The following SLC10A6 variants were observed in gnomAD, a reference collection of about 807,000 sequenced individuals.
SLC10A6 encodes solute carrier family 10 member 6.
A neutral mutation model predicts 30.0 loss-of-function variants in SLC10A6; 27 were observed. The observed-to-expected ratio is 0.90, with a 90% confidence interval of 0.66 to 1.24. The LOEUF (loss-of-function observed/expected upper bound fraction) is 1.24, where lower values mean the gene tolerates loss of function less well. Ranked by LOEUF, SLC10A6 falls within the 50% of genes most tolerant of loss-of-function variation. The pLI is 0.00. For synonymous variants in SLC10A6, 166 were observed against 173.8 expected (o/e 0.95, Z 0.36); for missense variants, 439 against 457.0 (o/e 0.96, Z 0.36).
intron 2 of SLC10A6, among the ~76,000 whole-genome samples, chr4:86,833,090 C>T (rs555863647): frequency 6.6e-5 from 10 of 152,162 alleles, no homozygotes; most frequent in Non-Finnish European, 1.3e-4. Context: ...TCCGTACTTA[C>T]CAGCTGCATA....
chr4:86,836,533 A>T (rs1049127145), intron 1 of SLC10A6, among the ~76,000 whole-genome samples: 1 of 152,152 alleles, frequency 6.6e-6, no homozygotes, highest in Non-Finnish European at 1.5e-5. Flanking sequence ...CCACGTGAGG[A>T]GCAAGAAGGA....
chr4:86,824,573 T>C (rs775099778), intron 5 of SLC10A6, among the ~76,000 whole-genome samples: 11 of 134,022 alleles, frequency 8.2e-5, no homozygotes, highest in Non-Finnish European at 1.7e-4. Flanking sequence ...TGTGAACATA[T>C]ATATTTTTTT....
intron 1 of SLC10A6, among the ~76,000 whole-genome samples, chr4:86,836,874 C>T (rs950912389): frequency 2.6e-5 from 4 of 152,116 alleles, no homozygotes; most frequent in African/African-American, 9.6e-5. Context: ...TCTCCTGCCT[C>T]AGCCTCCTGA....
chr4:86,825,996 G>A (rs1745987882), intron 4 of SLC10A6, among the ~76,000 whole-genome samples: 1 of 152,180 alleles, frequency 6.6e-6, no homozygotes, highest in African/African-American at 2.4e-5. Context: ...TCCAGGGAGA[G>A]GTGTGAGTGT....
chr4:86,849,039 A>G lies in SLC10A6; in HGVS notation c.77T>C (p.Val26Ala), dbSNP rs758343103. 5 of 1,614,030 alleles carry G rather than the reference A, an allele frequency of 3.1e-6. No individual in the cohort carries two copies. The highest frequency in any genetic ancestry group is 1.6e-4 in the Middle Eastern group (1 of 6,062). Residue 26 changes from valine to alanine, a missense_variant, in exon 1 of 6, where the codon GTG (valine) becomes GCG (alanine). Coordinates refer to ENST00000273905, the MANE Select transcript of SLC10A6 (RefSeq NM_197965.3). The stretch of plus-strand genomic sequence containing the variant: ...GAAAACGAGCTCCAGGTTTCCATGC[A>G]CCTCCAGTCCCACTGGCAGCTCCTC... ...SEEELPVGLEVHGNLELVFTV... is the reference protein window; with the variant it reads ...SEEELPVGLEAHGNLELVFTV...
chr4:86,845,960 A>G (rs1035373225), intron 1 of SLC10A6, among the ~76,000 whole-genome samples: 3 of 152,350 alleles, frequency 2.0e-5, no homozygotes, highest in Admixed American at 6.5e-5. Flanking sequence ...TGCATGAAGC[A>G]GGAGTGAAGG....
chr4:86,823,512 G>T lies in SLC10A6; in HGVS notation c.*176C>A. On this transcript the variant is annotated 3_prime_UTR_variant, in exon 6 of 6. Transcript: ENST00000273905. Reference sequence around the variant, plus strand: ...CCCCCAGAAGAAACTCCCTGAAATGGGAATCTCCAAAAGTGATCCCATCAC... The same window carrying T: ...CCCCCAGAAGAAACTCCCTGAAATGTGAATCTCCAAAAGTGATCCCATCAC... The T allele has an allele frequency of 1.9e-6, 1 of 530,012 alleles. No homozygotes were observed. Among genetic ancestry groups the T allele is most frequent in the East Asian group, 3.1e-5 (1 of 32,162 alleles). 32.8% of individuals were successfully genotyped at this position (530,012 alleles called of 1,614,324 possible).
At position 86,837,285 on chromosome 4, in the gene SLC10A6, A is replaced by AAGAG. The variant is rs1173471408; in HGVS notation, c.378-3862_378-3861insCTCT. ...AAAGAAAGAAAGAAAGAAAGAAAGAAAAAGAAAGGAAGGAAGGAAGGAAGG... is the reference window on the plus strand; with the variant it reads ...AAAGAAAGAAAGAAAGAAAGAAAGAAAGAGAAAGAAAGGAAGGAAGGAAGGAAGG... On this transcript the variant is annotated intron_variant, in intron 1 of 5. Coordinates refer to ENST00000273905, the MANE Select transcript of SLC10A6 (RefSeq NM_197965.3). Among the ~76,000 whole-genome samples the AAGAG allele has an allele frequency of 2.4e-4, 18 of 74,278 alleles. No homozygotes were observed. In the South Asian group the frequency reaches 5.8e-3, roughly 24 times the overall value. 48.7% of individuals were successfully genotyped at this position (74,278 alleles called of 152,430 possible).
chr4:86,826,626 T>C (rs541343207), intron 4 of SLC10A6, among the ~76,000 whole-genome samples: 17 of 152,308 alleles, frequency 1.1e-4, no homozygotes, highest in African/African-American at 4.1e-4. Context: ...CTAAAATGAT[T>C]ATCTTTGGTG....
At chr4:86,847,459 TTTTACCA>T (rs1344637209) in intron 1 of SLC10A6, among the ~76,000 whole-genome samples, 2 of 152,232 alleles carry the variant, frequency 1.3e-5, no homozygotes, top group Non-Finnish European at 1.5e-5. Context: ...TATTAATGGC[TTTTACCA>T]TTAAGGTAAA....
At chr4:86,824,169 T>C (rs1745935778) in intron 5 of SLC10A6, among the ~76,000 whole-genome samples, 1 of 152,200 alleles carries the variant, frequency 6.6e-6, no homozygotes, top group African/African-American at 2.4e-5. Context: ...ATTCATTCAT[T>C]CATTCATTCA....
chr4:86,829,090 C>T (rs961319349), intron 3 of SLC10A6, among the ~76,000 whole-genome samples: 1 of 152,088 alleles, frequency 6.6e-6, no homozygotes, highest in South Asian at 2.1e-4. Flanking sequence ...AGACTAGACC[C>T]CTGCCTAAGA....
intron 1 of SLC10A6, chr4:86,837,676 C>T: frequency 3.1e-6 from 3 of 964,448 alleles, no homozygotes; most frequent in Non-Finnish European, 3.7e-6. Flanking sequence ...AGTGATAGAA[C>T]CAGTGAAAGA....
intron 4 of SLC10A6, 29 bp downstream of exon 4, chr4:86,827,963 CA>C (rs747646656): frequency 3.8e-6 from 6 of 1,597,394 alleles, no homozygotes; most frequent in South Asian, 1.1e-5. Flanking sequence ...TTACCTTCCT[CA>C]AAAAAGTTTA....
chr4:86,837,813 T>G (rs1746226636), intron 1 of SLC10A6, among the ~76,000 whole-genome samples: 1 of 152,214 alleles, frequency 6.6e-6, no homozygotes, highest in Admixed American at 6.5e-5. Context: ...ACAAACTGTT[T>G]ATAGACACTG....
chr4:86,837,536 CA>C, intron 1 of SLC10A6: 1 of 932,682 alleles, frequency 1.1e-6, no homozygotes, highest in Non-Finnish European at 1.3e-6. Flanking sequence ...CAATAAAAAT[CA>C]GGGAGGATGA....
Position 86,825,514 on chromosome 4 carries a change from C to T in SLC10A6, c.825G>A (p.Gln275=). ...QNIQMCITML[Q]LSFTAEHLVQ... The stretch of plus-strand genomic sequence containing the variant: ...CCAAGTGCTCAGCAGTGAAAGATAA[C>T]TGGAGCATGGTGATGCACATCTGAA... The change falls in exon 5 of 6, where the codon CAG becomes CAA. Residue 275 remains glutamine (Q), a synonymous_variant. Transcript: ENST00000273905. The T allele has an allele frequency of 1.2e-6, 2 of 1,612,924 alleles. No individual in the cohort carries two copies. Among genetic ancestry groups the T allele is most frequent in the Non-Finnish European group, 1.7e-6 (2 of 1,179,026 alleles).
At chr4:86,837,219 G>GAT (rs1578757560) in intron 1 of SLC10A6, among the ~76,000 whole-genome samples, 1 of 117,740 alleles carries the variant, frequency 8.5e-6, no homozygotes, top group Non-Finnish European at 1.6e-5. Flanking sequence ...GAGAGAGAGA[G>GAT]AGAGAGAGAA....
chr4:86,838,749 C>A (rs540155149), intron 1 of SLC10A6, among the ~76,000 whole-genome samples: 1 of 151,344 alleles, frequency 6.6e-6, no homozygotes, highest in South Asian at 2.1e-4. Flanking sequence ...ATGGTGAAAC[C>A]CCATCTCTAA....
Sources: gnomAD v4.1 joint callset for allele counts (sites outside exome capture counted in the v4.1 genomes callset) on GRCh38, gnomAD v4.1.1 for gene constraint, MANE v1.5 for transcripts, NCBI Gene and HGNC (gene_info 2026-07-23, HGNC 2026-07-21) for gene names.